GAS7: variants seen among roughly 807,000 people sequenced by gnomAD.
The protein encoded by GAS7 is growth arrest specific 7.
GAS7 carries 28 observed loss-of-function variants against 71.1 expected under a neutral mutation model. That is an observed-to-expected ratio of 0.39 (90% confidence interval 0.29 to 0.54). The LOEUF (loss-of-function observed/expected upper bound fraction) is 0.54. GAS7 is among the 20% of genes least tolerant of loss of function. GAS7 has a pLI of 0.62. For missense variants in GAS7, 436 were observed against 627.8 expected, an observed-to-expected ratio of 0.69 and a Z score of 3.27; for synonymous variants, 258 against 245.8, an observed-to-expected ratio of 1.05 and a Z score of -0.46.
At chr17:10,162,976 A>G (rs1252824838) in intron 1 of GAS7, among the ~76,000 whole-genome samples, 2 of 152,334 alleles carry the variant, frequency 1.3e-5, no homozygotes, top group Non-Finnish European at 1.5e-5. Flanking sequence ...TAGACTTCCA[A>G]TGGTTAAGAT....
intron 1 of GAS7, among the ~76,000 whole-genome samples, chr17:10,074,432 A>G (rs1172432040): frequency 6.6e-6 from 1 of 152,180 alleles, no homozygotes; most frequent in Non-Finnish European, 1.5e-5. Context: ...AAAACCCTGG[A>G]AGGGTTTCAC....
At chr17:10,041,174 A>AAAAAAAAAAAAAAAAAAG (rs1555528019) in intron 1 of GAS7, among the ~76,000 whole-genome samples, 2 of 151,044 alleles carry the variant, frequency 1.3e-5, no homozygotes, top group South Asian at 2.1e-4. Context: ...AAAAAAAAAA[A>AAAAAAAAAAAAAAAAAAG]AAGAAGAAGG....
chr17:10,198,347 T>C lies in GAS7; in HGVS notation c.44A>G (p.Glu15Gly). Residue 15 changes from glutamate (E) to glycine (G), a missense_variant, in exon 1 of 14, where the codon GAG becomes GGG. Coordinates refer to ENST00000432992, the MANE Select transcript of GAS7 (RefSeq NM_201433.2). ...GAAGCGCAGCCCCTGGCCGTGCCGC[T>C]CCCCGGAGAAGGGGTACAGGGTCCG... ...RCRTLYPFSGERHGQGLRFAA... is the reference protein window; with the variant it reads ...RCRTLYPFSGGRHGQGLRFAA... 1 of 1,598,486 alleles carries C rather than the reference T, an allele frequency of 6.3e-7. No homozygotes were observed.
chr17:10,119,504 T>A (rs1353200566), intron 1 of GAS7, among the ~76,000 whole-genome samples: 4 of 152,212 alleles, frequency 2.6e-5, no homozygotes, highest in African/African-American at 7.2e-5. Flanking sequence ...TGACGAAACA[T>A]GCTAAACAAG....
At chr17:10,005,169 GCA>G (rs1489447441) in intron 2 of GAS7, among the ~76,000 whole-genome samples, 11 of 148,768 alleles carry the variant, frequency 7.4e-5, no homozygotes, top group South Asian at 2.1e-4. Context: ...GTGTGCGCAC[GCA>G]TGCATGTATG....
chr17:10,110,766 C>T (rs1408473902), intron 1 of GAS7, among the ~76,000 whole-genome samples: 1 of 152,148 alleles, frequency 6.6e-6, no homozygotes, highest in African/African-American at 2.4e-5. Flanking sequence ...GCCACTGCGC[C>T]CAGCCAGAAG....
At chr17:9,977,548 T>C (rs2070253666) in intron 3 of GAS7, among the ~76,000 whole-genome samples, 1 of 152,164 alleles carries the variant, frequency 6.6e-6, no homozygotes, top group Admixed American at 6.5e-5. Flanking sequence ...TCTGTTTTGG[T>C]TTAAAGTTTA....
At chr17:10,122,069 AATAGC>A (rs2073908911) in intron 1 of GAS7, among the ~76,000 whole-genome samples, 1 of 152,160 alleles carries the variant, frequency 6.6e-6, no homozygotes, top group Non-Finnish European at 1.5e-5. Flanking sequence ...CAAGGCCCAA[AATAGC>A]ATCAGCACCA....
At chr17:9,932,165 G>A (rs2068231717) in intron 9 of GAS7, among the ~76,000 whole-genome samples, 1 of 151,800 alleles carries the variant, frequency 6.6e-6, no homozygotes, top group South Asian at 2.1e-4. Flanking sequence ...AGGGTCACTG[G>A]GATGGTGCAC....
intron 1 of GAS7, among the ~76,000 whole-genome samples, chr17:10,061,753 T>C (rs568809394): frequency 3.3e-4 from 50 of 152,048 alleles, no homozygotes; most frequent in South Asian, 6.2e-4. Flanking sequence ...CTGGTTCATT[T>C]CTCCCACAGC....
intron 1 of GAS7, among the ~76,000 whole-genome samples, chr17:10,169,950 A>G (rs2074323749): frequency 6.6e-6 from 1 of 151,888 alleles, no homozygotes; most frequent in Non-Finnish European, 1.5e-5. Flanking sequence ...CCTTCCTCCC[A>G]TTTGCTTATG....
At chr17:10,146,362 C>T (rs1413657066) in intron 1 of GAS7, among the ~76,000 whole-genome samples, 1 of 152,218 alleles carries the variant, frequency 6.6e-6, no homozygotes, top group Non-Finnish European at 1.5e-5. Context: ...GAGAGCAAGT[C>T]CTGGCCAAGT....
At position 9,940,108 on chromosome 17, in the gene GAS7, T is replaced by A. The variant is rs372387010; in HGVS notation, c.806+18A>T. ...ACCCCCCATCCTCCCCACTCCCACC[T>A]CTCTCCTACCCACTCACCCTTCCTC... On this transcript the variant is annotated intron_variant, in intron 8 of 13. Transcript: ENST00000432992. 112 of 1,426,530 alleles carry A rather than the reference T, an allele frequency of 7.9e-5. No homozygotes were observed. Among genetic ancestry groups the A allele is most frequent in the Non-Finnish European group, 1.0e-4 (105 of 1,008,922 alleles). The allele number at this position is 1,426,530 out of a possible 1,614,324, so 88.4% of individuals were successfully genotyped here. A position where few individuals can be genotyped will look rare whatever the true frequency, so the allele number is the denominator to read the frequency against.
intron 8 of GAS7, among the ~76,000 whole-genome samples, chr17:9,939,172 G>C (rs1313811461): frequency 1.3e-5 from 2 of 152,194 alleles, no homozygotes; most frequent in African/African-American, 4.8e-5. Flanking sequence ...TGGAATTGCT[G>C]GGTCACATGG....
At chr17:10,191,494 A>G (rs1480928320) in intron 1 of GAS7, among the ~76,000 whole-genome samples, 1 of 148,934 alleles carries the variant, frequency 6.7e-6, no homozygotes, top group Non-Finnish European at 1.5e-5. Context: ...AGGTCAAGGC[A>G]GCAGTGAGCC....
intron 1 of GAS7, among the ~76,000 whole-genome samples, chr17:10,145,865 A>G (rs1430585215): frequency 6.6e-6 from 1 of 152,290 alleles, no homozygotes; most frequent in East Asian, 1.9e-4. Flanking sequence ...GGAATGGCTC[A>G]TTATTTTGTT....
At chr17:10,050,851 G>A (rs1051558443) in intron 1 of GAS7, among the ~76,000 whole-genome samples, 8 of 152,130 alleles carry the variant, frequency 5.3e-5, no homozygotes, top group African/African-American at 1.9e-4. Flanking sequence ...AAGGGGGCCT[G>A]GAAGACTCCA....
intron 6 of GAS7, among the ~76,000 whole-genome samples, chr17:9,945,369 A>T (rs910404764): frequency 6.6e-6 from 1 of 151,930 alleles, no homozygotes; most frequent in African/African-American, 2.4e-5. Context: ...AAGCAGAATA[A>T]AACTCACTTA....
chr17:10,160,163 C>A (rs927054569), intron 1 of GAS7, among the ~76,000 whole-genome samples: 1 of 152,182 alleles, frequency 6.6e-6, no homozygotes, highest in African/African-American at 2.4e-5. Flanking sequence ...ACCTCAGCCT[C>A]CCAAGGTGCT....
Sources: gnomAD v4.1 joint callset for allele counts (sites outside exome capture counted in the v4.1 genomes callset) on GRCh38, gnomAD v4.1.1 for gene constraint, MANE v1.5 for transcripts, NCBI Gene and HGNC (gene_info 2026-07-23, HGNC 2026-07-21) for gene names.